The following UBE2E2 variants were observed in gnomAD, a reference collection of about 807,000 sequenced individuals.
UBE2E2 encodes the protein ubiquitin-conjugating enzyme E2 E2.
In UBE2E2, 6 loss-of-function variants were observed where a neutral mutation model predicts 24.7. That is an observed-to-expected ratio of 0.24 (90% CI 0.13 to 0.48). UBE2E2 has a LOEUF of 0.48. Ranked by LOEUF, UBE2E2 falls within the 20% of genes least tolerant of loss-of-function variation. The pLI is 0.99. For synonymous variants in UBE2E2, 104 were observed against 83.6 expected (o/e 1.24, Z -1.33); for missense variants, 169 against 245.0 (o/e 0.69, Z 2.07).
intron 3 of UBE2E2, among the ~76,000 whole-genome samples, chr3:23,441,463 C>T (rs946241690): frequency 6.7e-5 from 10 of 148,554 alleles, no homozygotes; most frequent in African/African-American, 1.7e-4. Flanking sequence ...GGCGTGAACC[C>T]GGGAGGCAGA....
At chr3:23,548,500 T>C (rs1695571720) in intron 5 of UBE2E2, among the ~76,000 whole-genome samples, 1 of 152,216 alleles carries the variant, frequency 6.6e-6, no homozygotes, top group South Asian at 2.1e-4. Flanking sequence ...GTCACTAAGA[T>C]GGAGCCAATG....
intron 4 of UBE2E2, among the ~76,000 whole-genome samples, chr3:23,510,573 C>G (rs992855119): frequency 3.9e-4 from 59 of 151,922 alleles, no homozygotes; most frequent in African/African-American, 1.4e-3. Context: ...TGCCACTGCA[C>G]TCCAGCCTGG....
At chr3:23,261,771 C>T (rs2125354626) in intron 3 of UBE2E2, among the ~76,000 whole-genome samples, 1 of 152,258 alleles carries the variant, frequency 6.6e-6, no homozygotes, top group African/African-American at 2.4e-5. Context: ...CAGAATCATC[C>T]AATGTGTAGC....
intron 3 of UBE2E2, among the ~76,000 whole-genome samples, chr3:23,307,670 A>G (rs891641432): frequency 1.3e-4 from 20 of 152,170 alleles, no homozygotes; most frequent in Non-Finnish European, 8.8e-5. Flanking sequence ...TTATATTTTT[A>G]TATTGATATA....
intron 4 of UBE2E2, among the ~76,000 whole-genome samples, chr3:23,518,262 T>C (rs948091066): frequency 1.3e-5 from 2 of 152,070 alleles, no homozygotes; most frequent in African/African-American, 4.8e-5. Flanking sequence ...AGAGATTAGA[T>C]ATGGACAAGT....
chr3:23,389,809 G>A (rs1257068122), intron 3 of UBE2E2: 1 of 166,452 alleles, frequency 6.0e-6, no homozygotes, highest in Non-Finnish European at 1.3e-5. Context: ...TTGAGGTGAT[G>A]TGGCAAAATC....
intron 3 of UBE2E2, among the ~76,000 whole-genome samples, chr3:23,266,077 T>G (rs897407509): frequency 6.6e-6 from 1 of 152,196 alleles, no homozygotes; most frequent in Non-Finnish European, 1.5e-5. Flanking sequence ...TACAGCACAC[T>G]GATGGGTCTT....
chr3:23,426,577 G>A (rs1362144124), intron 3 of UBE2E2, among the ~76,000 whole-genome samples: 1 of 152,154 alleles, frequency 6.6e-6, no homozygotes, highest in Non-Finnish European at 1.5e-5. Context: ...CAATAAGAGA[G>A]TGAAGTGAAA....
chr3:23,344,050 C>G (rs1405567343), intron 3 of UBE2E2, among the ~76,000 whole-genome samples: 6 of 152,070 alleles, frequency 3.9e-5, no homozygotes, highest in Non-Finnish European at 8.8e-5. Context: ...TTCAAGTGAA[C>G]TCTCTTTAAA....
chr3:23,300,904 G>A (rs192667500), intron 3 of UBE2E2, among the ~76,000 whole-genome samples: 140 of 152,196 alleles, frequency 9.2e-4, no homozygotes, highest in African/African-American at 2.6e-3. Context: ...CATTCTCCCC[G>A]TCACTTTCAG....
chr3:23,521,825 T>G (rs9854488), intron 4 of UBE2E2, among the ~76,000 whole-genome samples: 1 of 151,820 alleles, frequency 6.6e-6, no homozygotes, highest in African/African-American at 2.4e-5. Flanking sequence ...TTGGACACCC[T>G]TGCTCCAGAA....
chr3:23,237,478 T>C (rs1393409851), intron 3 of UBE2E2, among the ~76,000 whole-genome samples: 1 of 152,164 alleles, frequency 6.6e-6, no homozygotes, highest in Non-Finnish European at 1.5e-5. Flanking sequence ...GATTTTCCCT[T>C]TCATCTGTTT....
chr3:23,205,461 C>A (rs866925716), intron 1 of UBE2E2, among the ~76,000 whole-genome samples: 5 of 152,250 alleles, frequency 3.3e-5, no homozygotes, highest in African/African-American at 1.2e-4. Flanking sequence ...TAAATTGATT[C>A]ATAGACTACT....
chr3:23,561,631 G>A (rs1695931682), intron 5 of UBE2E2, among the ~76,000 whole-genome samples: 1 of 151,262 alleles, frequency 6.6e-6, no homozygotes, highest in African/African-American at 2.4e-5. Context: ...AGCTTGATGG[G>A]GATGGCATTG....
chr3:23,492,953 T>G (rs1699530937), intron 3 of UBE2E2, among the ~76,000 whole-genome samples: 2 of 152,036 alleles, frequency 1.3e-5, no homozygotes, highest in South Asian at 4.1e-4. Context: ...TATTAAATAA[T>G]TATTAAATAG....
intron 3 of UBE2E2, among the ~76,000 whole-genome samples, chr3:23,281,135 A>G (rs13087563): frequency 0.077 from 11,669 of 152,270 alleles, 564 homozygotes; most frequent in Non-Finnish European, 0.092. Context: ...ATTCTGTAAC[A>G]CTGGGGACTT....
At chr3:23,485,601 G>A in intron 3 of UBE2E2, among the ~76,000 whole-genome samples, 1 of 152,176 alleles carries the variant, frequency 6.6e-6, no homozygotes, top group East Asian at 1.9e-4. Flanking sequence ...ATATCATGGA[G>A]GTGAGAGGAT....
chr3:23,576,614 C>CTATA (rs1250391660), intron 5 of UBE2E2, among the ~76,000 whole-genome samples: 1 of 152,052 alleles, frequency 6.6e-6, no homozygotes, highest in Non-Finnish European at 1.5e-5. Context: ...AGTGACTGTG[C>CTATA]TATATATGGC....
intron 3 of UBE2E2, among the ~76,000 whole-genome samples, chr3:23,457,812 C>A (rs1229873764): frequency 6.6e-6 from 1 of 152,206 alleles, no homozygotes; most frequent in Admixed American, 6.5e-5. Context: ...TCTATAGCTT[C>A]CAGCTTTTCT....
Sources: allele counts gnomAD v4.1 joint callset (sites outside exome capture counted in the v4.1 genomes callset), GRCh38; gene constraint gnomAD v4.1.1; transcripts MANE v1.5; gene names NCBI Gene and HGNC (gene_info 2026-07-23, HGNC 2026-07-21).